Variants in URI1 observed in about 807,000 individuals in gnomAD.
The protein encoded by URI1 is unconventional prefoldin RPB5 interactor 1.
A neutral mutation model predicts 60.2 loss-of-function variants in URI1; 39 were observed. That is an observed-to-expected ratio of 0.65 (90% CI 0.50 to 0.85). The LOEUF (loss-of-function observed/expected upper bound fraction) is 0.85. Among genes scored for constraint, URI1 ranks in the 40% least tolerant of loss-of-function variants. The pLI is 0.00. For missense variants in URI1, 691 were observed against 665.9 expected (o/e 1.04, Z -0.42); for synonymous variants, 251 against 236.8 (o/e 1.06, Z -0.55).
intron 4 of URI1, among the ~76,000 whole-genome samples, chr19:29,995,786 A>G (rs1056985416): frequency 6.6e-6 from 1 of 151,160 alleles, no homozygotes; most frequent in African/African-American, 2.4e-5. Flanking sequence ...CATTTTATAT[A>G]TGCTTGTAAG....
intron 9 of URI1, among the ~76,000 whole-genome samples, chr19:30,011,546 T>TA (rs2056019836): frequency 6.6e-6 from 1 of 151,928 alleles, no homozygotes; most frequent in South Asian, 2.1e-4. Flanking sequence ...GCTAGGTCCC[T>TA]ACGTTTCTAC....
At chr19:29,980,572 T>A (rs576599578) in intron 2 of URI1, among the ~76,000 whole-genome samples, 1 of 136,452 alleles carries the variant, frequency 7.3e-6, no homozygotes, top group East Asian at 2.1e-4. Flanking sequence ...GTTTAGGATG[T>A]TAGGTAGAGG....
chr19:30,015,403 G>A lies in URI1; in HGVS notation c.*334G>A. 2.1e-6 allele frequency: 3 copies of A among 1,439,386 alleles called. No individual in the cohort carries two copies. Among genetic ancestry groups the A allele is most frequent in the Non-Finnish European group, 2.7e-6 (3 of 1,104,456 alleles). The allele number at this position is 1,439,386 out of a possible 1,614,324, so 89.2% of individuals were successfully genotyped here. ...TTTCAAACTAAATACAGGCAGTTTT[G>A]TGCCAGCTGTGATATTGTGCATACC... On this transcript the variant is annotated 3_prime_UTR_variant, in exon 11 of 11. Transcript: ENST00000392271.
intron 6 of URI1, among the ~76,000 whole-genome samples, 198 bp from the exon 7 acceptor site, chr19:30,007,272 G>A (rs1172303577): frequency 1.3e-5 from 2 of 152,028 alleles, no homozygotes; most frequent in African/African-American, 2.4e-5. Context: ...AAGGACGCCA[G>A]TGCTGTTGAT....
At chr19:30,006,982 G>A (rs1227130444) in intron 6 of URI1, among the ~76,000 whole-genome samples, 10 of 151,974 alleles carry the variant, frequency 6.6e-5, no homozygotes, top group African/African-American at 9.7e-5. Flanking sequence ...CTCATTCCTT[G>A]GCAGTGCCCT....
intron 4 of URI1, among the ~76,000 whole-genome samples, chr19:30,001,588 G>A (rs1364133714): frequency 6.6e-6 from 1 of 151,814 alleles, no homozygotes. Context: ...TTGGGGACCT[G>A]TTCTTTTCAA....
At chr19:29,937,359 C>A (rs1355446896), upstream of URI1, among the ~76,000 whole-genome samples, 1 of 152,186 alleles carries the variant, frequency 6.6e-6, no homozygotes, top group Non-Finnish European at 1.5e-5. Flanking sequence ...GTAAAGGCTT[C>A]CTTGGGGATG....
chr19:29,979,583 T>G (rs1423599642), intron 2 of URI1, among the ~76,000 whole-genome samples: 6 of 152,158 alleles, frequency 3.9e-5, no homozygotes, highest in African/African-American at 1.4e-4. Flanking sequence ...AAAGTTAAAT[T>G]GAAGAAATCT....
chr19:29,976,805 G>T (rs1296257312), intron 2 of URI1, among the ~76,000 whole-genome samples: 8 of 152,050 alleles, frequency 5.3e-5, no homozygotes, highest in Admixed American at 3.9e-4. Flanking sequence ...TATTTTAAAA[G>T]GATTTTTGGT....
In URI1 at chr19:30,009,241, A is replaced by G. The variant is rs753508308; in HGVS notation, c.923A>G (p.Asp308Gly). 3 of 1,613,316 alleles carry G rather than the reference A, an allele frequency of 1.9e-6. No individual in the cohort carries two copies. Among genetic ancestry groups the G allele is most frequent in the Non-Finnish European group, 1.7e-6 (2 of 1,179,442 alleles). The change falls in exon 8 of 11, where the codon GAC becomes GGC. Residue 308 changes from aspartate (D) to glycine (G), a missense_variant. Physicochemically the swap from Asp to Gly is moderately conservative, Grantham distance 94. Coordinates refer to ENST00000392271, the MANE Select transcript of URI1 (RefSeq NM_003796.3). ...SDDDDDDDDD[D>G]DDDNIDDDDG... is the part of the protein sequence containing the mutation. ...GATGATGATGATGATGATGATGACG[A>G]CGACGACGACAACATTGACGACGAT...
intron 10 of URI1, among the ~76,000 whole-genome samples, chr19:30,013,376 G>A (rs1442073850): frequency 6.6e-6 from 1 of 152,108 alleles, no homozygotes; most frequent in Non-Finnish European, 1.5e-5. Context: ...ATGGAGATTG[G>A]TAGCATTTAG....
rs34820413 is a variant in URI1 at position 29,935,700 on chromosome 19, C to CTTTTTTTTTTTTTTTTTTT, written c.63+11960_63+11961insTTTTTTTTTTTTTTTTTTT. ...TGGTAGGAAATTCTTGGTTGACAGTCTTTTTTTTTTTTTTCCCCAGGACTT... is the reference window on the plus strand; with the variant it reads ...TGGTAGGAAATTCTTGGTTGACAGTCTTTTTTTTTTTTTTTTTTTTTTTTTTTTTTTTTCCCCAGGACTT... On this transcript the variant is annotated intron_variant, in intron 1 of 10. Coordinates refer to the URI1 transcript ENST00000360605. Among the ~76,000 whole-genome samples, 12 of 131,818 alleles carry CTTTTTTTTTTTTTTTTTTT rather than the reference C, an allele frequency of 9.1e-5. 1 individual carries two copies. The highest frequency in any genetic ancestry group is 5.2e-4 in the South Asian group (2 of 3,852). The allele number at this position is 131,818 out of a possible 152,430, so 86.5% of individuals were successfully genotyped here.
At chr19:30,012,608 A>G (rs750379082) in intron 10 of URI1, 77 bp downstream of exon 10, 135 of 1,501,968 alleles carry the variant, frequency 9.0e-5, no homozygotes, top group Non-Finnish European at 1.1e-4. Context: ...CTGAAAAGTC[A>G]TAAGATTAAA....
chr19:29,944,573 A>G (rs769388010), intron 1 of URI1, among the ~76,000 whole-genome samples: 1 of 152,176 alleles, frequency 6.6e-6, no homozygotes, highest in African/African-American at 2.4e-5. Context: ...GTTGAGTTAC[A>G]TTGGAAGAGA....
At chr19:29,959,810 T>TG (rs954805972) in intron 1 of URI1, among the ~76,000 whole-genome samples, 1 of 151,776 alleles carries the variant, frequency 6.6e-6, no homozygotes, top group Non-Finnish European at 1.5e-5. Context: ...TTTGATTTTT[T>TG]TCCTCTTTTC....
chr19:30,004,560 T>C (rs1239403468), intron 4 of URI1: 2 of 152,050 alleles, frequency 1.3e-5, no homozygotes, highest in Non-Finnish European at 2.9e-5. Flanking sequence ...GGAGGAGGTA[T>C]CATATCACTG....
intron 1 of URI1, among the ~76,000 whole-genome samples, chr19:29,943,444 C>G (rs2055058705): frequency 6.6e-6 from 1 of 152,132 alleles, no homozygotes; most frequent in South Asian, 2.1e-4. Context: ...GATTCTGTCC[C>G]CTCAAGTGTC....
chr19:29,959,621 C>A (rs910440315), intron 1 of URI1, among the ~76,000 whole-genome samples: 5 of 152,166 alleles, frequency 3.3e-5, no homozygotes, highest in Non-Finnish European at 7.4e-5. Context: ...ATTGTCCTTT[C>A]TAAGTTTTCA....
intron 4 of URI1, among the ~76,000 whole-genome samples, 158 bp downstream of exon 4, chr19:29,986,575 A>G (rs553252969): frequency 1.3e-5 from 2 of 152,306 alleles, no homozygotes; most frequent in South Asian, 4.1e-4. Context: ...AGTAGAACCA[A>G]CATTTGAGAA....
Sources: allele counts gnomAD v4.1 joint callset (sites outside exome capture counted in the v4.1 genomes callset), GRCh38; gene constraint gnomAD v4.1.1; transcripts MANE v1.5; gene names NCBI Gene and HGNC (gene_info 2026-07-23, HGNC 2026-07-21).